The following HMGB1 variants were observed in gnomAD, a reference collection of about 807,000 sequenced individuals.
The protein encoded by HMGB1 is high mobility group protein B1.
For synonymous variants in HMGB1, 81 were observed against 84.0 expected, an observed-to-expected ratio of 0.96 and a Z score of 0.19; for missense variants, 79 against 253.5, an observed-to-expected ratio of 0.31 and a Z score of 4.67.
intron 1 of HMGB1, among the ~76,000 whole-genome samples, chr13:30,499,637 A>G (rs551629582): frequency 6.6e-6 from 1 of 152,364 alleles, no homozygotes; most frequent in African/African-American, 2.4e-5. Flanking sequence ...AGCACAAAGT[A>G]TGAGAAATAA....
At chr13:30,517,682 C>G (rs1888131147) in intron 1 of HMGB1, among the ~76,000 whole-genome samples, 1 of 152,194 alleles carries the variant, frequency 6.6e-6, no homozygotes, top group Non-Finnish European at 1.5e-5. Context: ...AGCCACTGCG[C>G]CTGGCCTCTG....
chr13:30,486,040 A>G (rs186417359), intron 1 of HMGB1, among the ~76,000 whole-genome samples: 19 of 152,274 alleles, frequency 1.2e-4, no homozygotes, highest in African/African-American at 4.3e-4. Context: ...TGAAAACACT[A>G]TGACTGATGA....
Position 30,598,548 on chromosome 13 carries a change from T to A in HMGB1, c.-15+18123A>T, listed in dbSNP as rs374017308. Among the ~76,000 whole-genome samples, 6 of 152,332 alleles carry A rather than the reference T, an allele frequency of 3.9e-5. No homozygotes were observed. The East Asian group carries it at 5.8e-4, about 15-fold the overall frequency. ...AATAGAAAAACAACATGGAAGATAA[T>A]CCTGTTGCTTAGGAAAAATAACTAA... On this transcript the variant is annotated intron_variant, in intron 1 of 4. Coordinates refer to the HMGB1 transcript ENST00000405805.
intron 1 of HMGB1, chr13:30,464,170 A>C: frequency 1.0e-6 from 1 of 985,094 alleles, no homozygotes; most frequent in Non-Finnish European, 1.2e-6. Flanking sequence ...CCGTGCACCG[A>C]AAGTTTCAAA....
At chr13:30,532,126 A>G (rs1888509285) in intron 1 of HMGB1, among the ~76,000 whole-genome samples, 1 of 151,852 alleles carries the variant, frequency 6.6e-6, no homozygotes, top group Non-Finnish European at 1.5e-5. Flanking sequence ...ATCACAAGGT[A>G]AGGAGTTCGA....
At chr13:30,509,694 C>T (rs577024918) in intron 1 of HMGB1, among the ~76,000 whole-genome samples, 10 of 152,152 alleles carry the variant, frequency 6.6e-5, no homozygotes, top group East Asian at 3.9e-4. Context: ...AACTGATGGG[C>T]GAGACAAGAT....
At chr13:30,511,360 G>A (rs116857657) in intron 1 of HMGB1, among the ~76,000 whole-genome samples, 59 of 152,230 alleles carry the variant, frequency 3.9e-4, no homozygotes, top group Middle Eastern at 3.4e-3. Flanking sequence ...CCTCCCTGAG[G>A]TAATGAGTGA....
chr13:30,554,540 G>T lies in HMGB1; in HGVS notation c.-15+62131C>A, dbSNP rs1047773997. ...TTCTAGTATACAGAAACGGTGGAAA[G>T]AATTTTCTAAGGAAAACTTAGCTCC... On this transcript the variant is annotated intron_variant, in intron 1 of 4. Transcript: ENST00000405805. The T allele has an allele frequency of 5.6e-5, 46 of 824,600 alleles. No individual in the cohort carries two copies. The Admixed American group carries it at 6.8e-4, about 12-fold the overall frequency. 51.1% of individuals were successfully genotyped at this position (824,600 alleles called of 1,614,324 possible).
At chr13:30,597,670 C>T (rs894912538) in intron 1 of HMGB1, among the ~76,000 whole-genome samples, 73 of 152,196 alleles carry the variant, frequency 4.8e-4, no homozygotes, top group Non-Finnish European at 9.4e-4. Flanking sequence ...TACTTATATG[C>T]AAGGAACAGC....
At chr13:30,518,830 C>A (rs1593287170) in intron 1 of HMGB1, among the ~76,000 whole-genome samples, 2 of 142,328 alleles carry the variant, frequency 1.4e-5, no homozygotes. Context: ...CTCAGCCTCC[C>A]AAGTAGCTGG....
chr13:30,508,870 C>T (rs905702942), intron 1 of HMGB1, among the ~76,000 whole-genome samples: 10 of 152,234 alleles, frequency 6.6e-5, no homozygotes, highest in African/African-American at 2.4e-4. Context: ...GCATAATTAT[C>T]TTTCTGCCCC....
intron 1 of HMGB1, 95 bp downstream of exon 1, chr13:30,465,701 G>A (rs1166509976): frequency 1.7e-6 from 1 of 602,826 alleles, no homozygotes; most frequent in African/African-American, 2.0e-5. Context: ...TGTGGATCCT[G>A]ACCCGCCGGC....
intron 1 of HMGB1, among the ~76,000 whole-genome samples, chr13:30,528,830 C>T (rs1164593239): frequency 6.6e-6 from 1 of 151,870 alleles, no homozygotes; most frequent in African/African-American, 2.4e-5. Context: ...AGATCGAGAC[C>T]ATCCTGGCTA....
At chr13:30,501,567 AT>A (rs1887736456) in intron 1 of HMGB1, among the ~76,000 whole-genome samples, 3 of 113,930 alleles carry the variant, frequency 2.6e-5, no homozygotes. Context: ...TTATAAATGC[AT>A]TAAATAGAAA....
At chr13:30,617,475 C>T (rs1053373090) in exon 1 of HMGB1, 2 of 152,190 alleles carry the variant, frequency 1.3e-5, no homozygotes, top group African/African-American at 4.8e-5. Flanking sequence ...CTTCGGAAGC[C>T]CTTCCCTCTC....
rs1869823200 is a variant in HMGB1, at chr13:30,559,077, T to C, written c.-15+57594A>G. 6.6e-6 allele frequency among the ~76,000 whole-genome samples: 1 copy of C among 152,222 alleles called. No individual in the cohort carries two copies. Among genetic ancestry groups the C allele is most frequent in the Non-Finnish European group, 1.5e-5 (1 of 68,038 alleles). On this transcript the variant is annotated intron_variant, in intron 1 of 4. Coordinates refer to the HMGB1 transcript ENST00000405805. This position sits in a 1 kb window ranked among gnomAD's most constrained non-coding sequence, Gnocchi z 6.6. ...GCTCTGAATCTATAGTTACTTTTAATTTTTAAAAATATCTTTTGAGGACTT... is the reference window on the plus strand; with the variant it reads ...GCTCTGAATCTATAGTTACTTTTAACTTTTAAAAATATCTTTTGAGGACTT...
At chr13:30,602,529 A>G (rs1566037630) in intron 1 of HMGB1, among the ~76,000 whole-genome samples, 1 of 152,264 alleles carries the variant, frequency 6.6e-6, no homozygotes, top group Admixed American at 6.5e-5. Flanking sequence ...GAAAAACTTC[A>G]TACTTTAAAA....
rs924956293 is a variant in HMGB1, at chr13:30,509,807, C to T, written c.-14-46113G>A. 3.9e-5 allele frequency among the ~76,000 whole-genome samples: 6 copies of T among 152,216 alleles called. No individual in the cohort carries two copies. The South Asian group carries it at 1.0e-3, about 26-fold the overall frequency. On this transcript the variant is annotated intron_variant, in intron 1 of 4. Coordinates refer to the HMGB1 transcript ENST00000405805. ...ATATTCACTGGATCTAAAATAAACC[C>T]GCGGTGTAGATACTATCTTCTTCAT...
At chr13:30,507,997 T>C (rs993006227) in intron 1 of HMGB1, among the ~76,000 whole-genome samples, 1 of 151,488 alleles carries the variant, frequency 6.6e-6, no homozygotes, top group Non-Finnish European at 1.5e-5. Flanking sequence ...ACTCTCTCTC[T>C]AAAAAAGAAA....
Sources: gnomAD v4.1 joint callset for allele counts (sites outside exome capture counted in the v4.1 genomes callset) on GRCh38, gnomAD v4.1.1 for gene constraint, Gnocchi (gnomAD v3.1) non-coding constraint, MANE v1.5 for transcripts, NCBI Gene and HGNC (gene_info 2026-07-23, HGNC 2026-07-21) for gene names.